PPFIBP2: variants seen among roughly 807,000 people sequenced by gnomAD.
PPFIBP2 encodes the protein PPFIB scaffold protein 2.
In PPFIBP2, 118 loss-of-function variants were observed where a neutral mutation model predicts 118.3. That is an observed-to-expected ratio of 1.00 (90% CI 0.86 to 1.16). PPFIBP2 has a LOEUF of 1.16. Among genes scored for constraint, PPFIBP2 ranks in the 50% most tolerant of loss-of-function variants. The pLI, the probability that PPFIBP2 is intolerant of heterozygous loss-of-function variation, is 0.00. For missense variants in PPFIBP2, 1,195 were observed against 1,073.1 expected (o/e 1.11, Z -1.59); for synonymous variants, 414 against 397.4 (o/e 1.04, Z -0.50).
intron 3 of PPFIBP2, among the ~76,000 whole-genome samples, chr11:7,575,012 C>A (rs1265763108): frequency 6.6e-6 from 1 of 152,082 alleles, no homozygotes; most frequent in South Asian, 2.1e-4. Flanking sequence ...CTACCCTGCA[C>A]CCCCCACCTT....
intron 17 of PPFIBP2, among the ~76,000 whole-genome samples, chr11:7,645,111 T>C (rs537745082): frequency 6.6e-6 from 1 of 151,440 alleles, no homozygotes; most frequent in African/African-American, 2.4e-5. Flanking sequence ...TTACTGCAAC[T>C]TTCCCTTGGT....
intron 5 of PPFIBP2, among the ~76,000 whole-genome samples, chr11:7,604,469 C>A (rs540089446): frequency 7.2e-6 from 1 of 139,278 alleles, no homozygotes; most frequent in Non-Finnish European, 1.5e-5. Flanking sequence ...CACCCATACA[C>A]GCACACACAC....
chr11:7,591,755 T>G (rs1046730436), intron 3 of PPFIBP2, among the ~76,000 whole-genome samples: 1 of 152,222 alleles, frequency 6.6e-6, no homozygotes, highest in Non-Finnish European at 1.5e-5. Flanking sequence ...GCCTGTCCTC[T>G]GGCTGCACCT....
At chr11:7,561,182 C>G (rs1355901867) in intron 2 of PPFIBP2, among the ~76,000 whole-genome samples, 1 of 152,214 alleles carries the variant, frequency 6.6e-6, no homozygotes, top group South Asian at 2.1e-4. Context: ...ATTTTTCTGC[C>G]TCAGCCTTAA....
chr11:7,542,884 G>A (rs1330222897), intron 1 of PPFIBP2, among the ~76,000 whole-genome samples: 1 of 152,210 alleles, frequency 6.6e-6, no homozygotes, highest in East Asian at 1.9e-4. Flanking sequence ...CCTGAGTTCT[G>A]TCTTGTTTAC....
At chr11:7,576,963 G>GA (rs1258588165) in intron 3 of PPFIBP2, 3 of 152,444 alleles carry the variant, frequency 2.0e-5, no homozygotes, top group African/African-American at 7.2e-5. Flanking sequence ...GGGAACCAGT[G>GA]AGCTCCTCCA....
chr11:7,594,916 CAAAAAAAAAAA>C (rs58084975), intron 4 of PPFIBP2, among the ~76,000 whole-genome samples: 3 of 64,050 alleles, frequency 4.7e-5, no homozygotes, highest in East Asian at 5.4e-4. Flanking sequence ...GACTCCATCT[CAAAAAAAAAAA>C]AAAAAAAAAA....
intron 5 of PPFIBP2, among the ~76,000 whole-genome samples, chr11:7,606,332 A>G (rs527270754): frequency 6.6e-6 from 1 of 152,380 alleles, no homozygotes; most frequent in East Asian, 1.9e-4. Context: ...GTTAACTCCT[A>G]TTAAAGCACA....
chr11:7,581,391 G>C (rs1857236391), intron 3 of PPFIBP2, among the ~76,000 whole-genome samples: 1 of 152,222 alleles, frequency 6.6e-6, no homozygotes, highest in Admixed American at 6.5e-5. Context: ...AGCACTCTCA[G>C]TGCTTAAGCA....
At chr11:7,587,067 C>T (rs1858342749) in intron 3 of PPFIBP2, among the ~76,000 whole-genome samples, 2 of 152,194 alleles carry the variant, frequency 1.3e-5, no homozygotes, top group African/African-American at 4.8e-5. Flanking sequence ...TCCACCAACC[C>T]CGGTTGATGC....
intron 23 of PPFIBP2, among the ~76,000 whole-genome samples, chr11:7,652,087 C>T (rs938736865): frequency 7.2e-5 from 11 of 152,260 alleles, no homozygotes. Flanking sequence ...CAGGAAGCAC[C>T]TATCCTCAGG....
intron 3 of PPFIBP2, among the ~76,000 whole-genome samples, chr11:7,574,496 T>C (rs1196757785): frequency 2.6e-5 from 4 of 152,246 alleles, no homozygotes; most frequent in Non-Finnish European, 4.4e-5. Flanking sequence ...TCTGATAATC[T>C]GACAACTCTT....
In PPFIBP2 at chr11:7,596,984, C is replaced by T. The variant is rs56771614; in HGVS notation, c.373-576C>T. Among the ~76,000 whole-genome samples, 13 of 152,254 alleles carry T rather than the reference C, an allele frequency of 8.5e-5. No individual in the cohort carries two copies. The East Asian group carries it at 2.5e-3, about 29-fold the overall frequency. ...TAATGTGGCTTCTCTATATTTATGA[C>T]TTAGAGTCATGTTTTGGCCTGTGAA... On this transcript the variant is annotated intron_variant, in intron 4 of 23. Transcript: ENST00000299492.
intron 3 of PPFIBP2, among the ~76,000 whole-genome samples, chr11:7,574,367 T>C (rs2134862904): frequency 6.6e-6 from 1 of 152,220 alleles, no homozygotes; most frequent in Non-Finnish European, 1.5e-5. Flanking sequence ...AGCAGTATAA[T>C]GGGAGCAGCA....
rs770938471 is a variant in PPFIBP2, at chr11:7,650,911, C to G, written c.2193C>G (p.Asp731Glu). 6.2e-7 allele frequency: 1 copy of G among 1,613,948 alleles called. No individual in the cohort carries two copies. The highest frequency in any genetic ancestry group is 1.3e-5 in the African/African-American group (1 of 74,916). The change falls in exon 22 of 24, where the codon GAC becomes GAG. Residue 731 changes from aspartate to glutamate, a missense_variant. By Grantham distance (45) the Asp-to-Glu change is conservative. Coordinates refer to ENST00000299492, the MANE Select transcript of PPFIBP2 (RefSeq NM_003621.5). ...TGATGGAGTGGTTACGATCTGTGGA[C>G]CTGGCAGAGTATGCACCCAATCTTC... The part of the protein sequence containing the change: ...HRVMEWLRSV[D>E]LAEYAPNLRG...
chr11:7,642,205 G>A lies in PPFIBP2; in HGVS notation c.1518-93G>A, dbSNP rs367863397. On this transcript the variant is annotated intron_variant, in intron 16 of 23. Coordinates refer to ENST00000299492, the MANE Select transcript of PPFIBP2 (RefSeq NM_003621.5). Reference sequence around the variant, plus strand: ...AAGCAGTGCTGCCGAGAGTCCCTGTGCTGGCCTGCATGGCCTTGCAAAAGA... The same window carrying A: ...AAGCAGTGCTGCCGAGAGTCCCTGTACTGGCCTGCATGGCCTTGCAAAAGA... 1.4e-5 allele frequency: 21 copies of A among 1,484,104 alleles called. No homozygotes were observed. In the African/African-American group the frequency reaches 2.8e-4, roughly 20 times the overall value. The allele number at this position is 1,484,104 out of a possible 1,614,324, so 91.9% of individuals were successfully genotyped here. A position where few individuals can be genotyped will look rare whatever the true frequency, so the allele number is the denominator to read the frequency against.
intron 2 of PPFIBP2, among the ~76,000 whole-genome samples, chr11:7,551,202 C>G (rs1852949174): frequency 1.3e-5 from 2 of 152,056 alleles, no homozygotes; most frequent in Admixed American, 6.5e-5. Flanking sequence ...CTGTGAGCTC[C>G]TCGGGGTCTC....
At chr11:7,601,327 A>G (rs1450555726) in intron 5 of PPFIBP2, among the ~76,000 whole-genome samples, 2 of 152,192 alleles carry the variant, frequency 1.3e-5, no homozygotes. Flanking sequence ...AGACAGGCAA[A>G]TCAGAACCAA....
At chr11:7,635,634 C>T (rs757009520) in intron 14 of PPFIBP2, 41 bp downstream of exon 14, 1 of 1,556,562 alleles carries the variant, frequency 6.4e-7, no homozygotes, top group Non-Finnish European at 8.9e-7. Flanking sequence ...TGTGGTTACA[C>T]TGTTTGCTAG....
Sources: gnomAD v4.1 joint callset for allele counts (sites outside exome capture counted in the v4.1 genomes callset) on GRCh38, gnomAD v4.1.1 for gene constraint, MANE v1.5 for transcripts, NCBI Gene and HGNC (gene_info 2026-07-23, HGNC 2026-07-21) for gene names.